The following B3GALT1 variants were observed in gnomAD, a reference collection of about 807,000 sequenced individuals.
The protein encoded by B3GALT1 is beta-1,3-galactosyltransferase 1, also known as UDP-Gal:betaGlcNAc beta 1,3-galactosyltransferase, polypeptide 1.
In B3GALT1, 10 loss-of-function variants were observed where a neutral mutation model predicts 23.2. The ratio of observed to expected loss-of-function variants is 0.43; its 90% CI spans 0.27 to 0.73. B3GALT1 has a LOEUF of 0.73. B3GALT1 is among the 30% of genes least tolerant of loss of function. B3GALT1 has a pLI of 0.21. For synonymous variants in B3GALT1, 156 were observed against 141.5 expected, an observed-to-expected ratio of 1.10 and a Z score of -0.73; for missense variants, 299 against 405.4, an observed-to-expected ratio of 0.74 and a Z score of 2.25.
intron 2 of B3GALT1, among the ~76,000 whole-genome samples, chr2:167,625,942 CATATATATATATATATATATAT>C (rs10522850): frequency 0.49 from 58,009 of 118,656 alleles, 14,454 homozygotes; most frequent in Non-Finnish European, 0.56. Context: ...ATGACTAGGC[CATATATATATATATATATATAT>C]ATATATATAT....
At chr2:167,339,828 A>G (rs1697119408) in intron 1 of B3GALT1, among the ~76,000 whole-genome samples, 1 of 152,162 alleles carries the variant, frequency 6.6e-6, no homozygotes, top group Non-Finnish European at 1.5e-5. Flanking sequence ...GTGAGCTGAG[A>G]ATCTGCAGTG....
intron 2 of B3GALT1, among the ~76,000 whole-genome samples, chr2:167,645,143 G>A (rs1233470541): frequency 1.3e-5 from 2 of 152,092 alleles, no homozygotes; most frequent in African/African-American, 4.8e-5. Context: ...AAGAGTAAGG[G>A]TGCTGACTTT....
intron 2 of B3GALT1, among the ~76,000 whole-genome samples, chr2:167,600,991 T>C (rs1330577058): frequency 1.3e-5 from 2 of 152,230 alleles, no homozygotes; most frequent in Non-Finnish European, 2.9e-5. Flanking sequence ...ATTATTAAAT[T>C]GAACTAGATT....
At chr2:167,494,570 C>T (rs994309352) in intron 2 of B3GALT1, among the ~76,000 whole-genome samples, 1 of 152,042 alleles carries the variant, frequency 6.6e-6, no homozygotes, top group African/African-American at 2.4e-5. Context: ...CATAAAATAG[C>T]ATATGTGGTG....
intron 2 of B3GALT1, among the ~76,000 whole-genome samples, chr2:167,600,021 A>G (rs1684847169): frequency 6.6e-6 from 1 of 152,252 alleles, no homozygotes; most frequent in South Asian, 2.1e-4. Flanking sequence ...CTTTGCAGAC[A>G]CTTGATATTA....
intron 1 of B3GALT1, among the ~76,000 whole-genome samples, chr2:167,304,846 G>A (rs1359566850): frequency 6.6e-6 from 1 of 152,156 alleles, no homozygotes; most frequent in African/African-American, 2.4e-5. Context: ...GAAGGCCTGA[G>A]AATGTGGGGA....
chr2:167,660,493 A>T (rs1416281678), intron 3 of B3GALT1, among the ~76,000 whole-genome samples: 2 of 152,084 alleles, frequency 1.3e-5, no homozygotes, highest in African/African-American at 2.4e-5. Flanking sequence ...CTATTATTGT[A>T]ATTTGGCTTT....
chr2:167,831,961 C>T (rs1218764890), intron 4 of B3GALT1, among the ~76,000 whole-genome samples: 1 of 152,158 alleles, frequency 6.6e-6, no homozygotes, highest in Non-Finnish European at 1.5e-5. Context: ...GAATCTGTGG[C>T]ACTCTCTAAA....
chr2:167,822,160 T>C (rs987450254), intron 4 of B3GALT1, among the ~76,000 whole-genome samples: 12 of 152,210 alleles, frequency 7.9e-5, no homozygotes, highest in Non-Finnish European at 1.6e-4. Flanking sequence ...CAAAGTCTCC[T>C]GTACCATCCC....
intron 1 of B3GALT1, among the ~76,000 whole-genome samples, chr2:167,304,597 C>A (rs1696517783): frequency 6.6e-6 from 1 of 151,688 alleles, no homozygotes; most frequent in Non-Finnish European, 1.5e-5. Context: ...AGAAACAGAA[C>A]CAATAAAGTA....
chr2:167,516,113 C>T (rs1291120770), intron 2 of B3GALT1, among the ~76,000 whole-genome samples: 1 of 152,050 alleles, frequency 6.6e-6, no homozygotes, highest in African/African-American at 2.4e-5. Flanking sequence ...ACCACCACCG[C>T]AATTTAACTG....
chr2:167,861,466 A>G (rs899980877), intron 4 of B3GALT1, among the ~76,000 whole-genome samples: 8 of 152,206 alleles, frequency 5.3e-5, no homozygotes, highest in Admixed American at 1.3e-4. Flanking sequence ...GGAAACACAA[A>G]GATAACAGAG....
intron 3 of B3GALT1, among the ~76,000 whole-genome samples, chr2:167,787,317 T>C (rs1359698720): frequency 6.6e-6 from 1 of 152,174 alleles, no homozygotes; most frequent in Non-Finnish European, 1.5e-5. Flanking sequence ...GTTTATGTAC[T>C]AGCAGGTACT....
At chr2:167,500,376 G>A (rs1372524621) in intron 2 of B3GALT1, among the ~76,000 whole-genome samples, 1 of 152,128 alleles carries the variant, frequency 6.6e-6, no homozygotes, top group African/African-American at 2.4e-5. Context: ...TAAAACATGG[G>A]TTCAATGTGA....
In B3GALT1 at chr2:167,803,120, A is replaced by ACACACACACC. The variant is rs1369112213; in HGVS notation, c.-351-15551_-351-15550insACACACACCC. Among the ~76,000 whole-genome samples, 19 of 136,632 alleles carry ACACACACACC rather than the reference A, an allele frequency of 1.4e-4. No individual in the cohort carries two copies. The East Asian group carries it at 1.6e-3, about 12-fold the overall frequency. The allele number at this position is 136,632 out of a possible 152,430, so 89.6% of individuals were successfully genotyped here. On this transcript the variant is annotated intron_variant, in intron 3 of 4. Coordinates refer to ENST00000392690, the MANE Select transcript of B3GALT1 (RefSeq NM_020981.4). ...CACACACACACACACACACACACACACCCCTTGGTTGGGCTGGGGAATGGT... is the reference window on the plus strand; with the variant it reads ...CACACACACACACACACACACACACACACACACACCCCCCTTGGTTGGGCTGGGGAATGGT...
At chr2:167,579,510 T>C (rs4667538) in intron 2 of B3GALT1, among the ~76,000 whole-genome samples, 48,015 of 147,774 alleles carry the variant, frequency 0.32, 8,550 homozygotes, top group East Asian at 0.74. Context: ...AATCTCTAGA[T>C]TTCTAGCCTG....
intron 1 of B3GALT1, among the ~76,000 whole-genome samples, chr2:167,435,979 A>G (rs866114828): frequency 1.9e-3 from 199 of 105,104 alleles, no homozygotes; most frequent in African/African-American, 0.011. Flanking sequence ...ACACACACAC[A>G]CACGCACACA....
rs745694418 is a variant in B3GALT1, at chr2:167,869,812, C to A, written c.773C>A (p.Thr258Lys). ...AELIYKTSLHTRLLHLEDVYV... is the reference protein window; with the variant it reads ...AELIYKTSLHKRLLHLEDVYV... ...CTCATTTACAAGACCTCACTCCACA[C>A]AAGGCTGCTTCACCTTGAAGACGTA... Residue 258 changes from threonine (T) to lysine (K), a missense_variant, in exon 5 of 5, where the codon ACA (threonine) becomes AAA (lysine). By Grantham distance (78) the Thr-to-Lys change is moderately conservative. Coordinates refer to ENST00000392690, the MANE Select transcript of B3GALT1 (RefSeq NM_020981.4). This position sits in a 1 kb window ranked among gnomAD's most constrained non-coding sequence, Gnocchi z 6.4. 6.2e-7 allele frequency: 1 copy of A among 1,614,120 alleles called. No individual in the cohort carries two copies. Among genetic ancestry groups the A allele is most frequent in the Non-Finnish European group, 8.5e-7 (1 of 1,180,016 alleles).
chr2:167,417,990 C>T (rs1698494545), intron 1 of B3GALT1, among the ~76,000 whole-genome samples: 1 of 152,198 alleles, frequency 6.6e-6, no homozygotes, highest in Non-Finnish European at 1.5e-5. Context: ...AAAAGTTCCG[C>T]TGTGTTCTGC....
Sources: allele counts gnomAD v4.1 joint callset (sites outside exome capture counted in the v4.1 genomes callset), GRCh38; gene constraint gnomAD v4.1.1; non-coding constraint Gnocchi (gnomAD v3.1); transcripts MANE v1.5; gene names NCBI Gene and HGNC (gene_info 2026-07-23, HGNC 2026-07-21).